The following DNAH9 variants were observed in gnomAD, a reference collection of about 807,000 sequenced individuals.
DNAH9 encodes DNAH9 variant protein.
In DNAH9, 345 loss-of-function variants were observed where a neutral mutation model predicts 471.6. That is an observed-to-expected ratio of 0.73 (90% confidence interval 0.67 to 0.80). DNAH9 has a LOEUF of 0.80. Ranked by LOEUF, DNAH9 falls within the 30% of genes least tolerant of loss-of-function variation. The probability of loss-of-function intolerance (pLI) is 0.00; values close to 1 mark genes in which losing one functional copy is unlikely to be tolerated. For synonymous variants in DNAH9, 2,093 were observed against 2,123.6 expected (o/e 0.99, Z 0.40); for missense variants, 5,407 against 5,609.2 (o/e 0.96, Z 1.15).
chr17:11,882,662 G>A (rs1165213624), intron 55 of DNAH9, among the ~76,000 whole-genome samples: 1 of 152,208 alleles, frequency 6.6e-6, no homozygotes, highest in East Asian at 1.9e-4. Context: ...GAGGAACACA[G>A]AAAACAGCAA....
At chr17:11,799,303 T>C (rs189129776) in intron 43 of DNAH9, among the ~76,000 whole-genome samples, 102 of 133,974 alleles carry the variant, frequency 7.6e-4, no homozygotes, top group Non-Finnish European at 1.4e-3. Flanking sequence ...TCCCCAGAAG[T>C]AGTTATCCGT....
rs1048445167 is a variant in DNAH9, at chr17:11,769,124, G to A, written c.7347G>A (p.Ala2449=). ...FEFDPEMPLQ[A]CLVHTSETIR... ...GGCTTATTGTGCTCCCATTCCAGGC[G>A]TGTTTGGTGCACACGAGTGAGACCA... The change falls in exon 38 of 69, where the codon GCG becomes GCA. Residue 2449 remains alanine (A), a splice_region_variant and synonymous_variant. Transcript: ENST00000262442. 6.2e-6 allele frequency: 10 copies of A among 1,614,054 alleles called. No individual in the cohort carries two copies. Among genetic ancestry groups the A allele is most frequent in the African/African-American group, 4.0e-5 (3 of 74,940 alleles).
chr17:11,818,309 G>A (rs1970175043), intron 45 of DNAH9, among the ~76,000 whole-genome samples: 1 of 152,024 alleles, frequency 6.6e-6, no homozygotes, highest in South Asian at 2.1e-4. Context: ...TGCACCTGTA[G>A]TCCCAGCTAC....
At chr17:11,879,379 C>T (rs1972627788) in intron 53 of DNAH9, among the ~76,000 whole-genome samples, 1 of 152,008 alleles carries the variant, frequency 6.6e-6, no homozygotes. Context: ...TTGGTTTTCT[C>T]CTTGCCAGCC....
intron 50 of DNAH9, among the ~76,000 whole-genome samples, chr17:11,859,078 C>G (rs1009225057): frequency 8.4e-6 from 1 of 119,510 alleles, no homozygotes; most frequent in African/African-American, 3.5e-5. Context: ...GAGGGAAACC[C>G]CGTCTCAAAA....
At chr17:11,813,494 G>T (rs1969993457) in intron 45 of DNAH9, among the ~76,000 whole-genome samples, 1 of 152,162 alleles carries the variant, frequency 6.6e-6, no homozygotes, top group Non-Finnish European at 1.5e-5. Context: ...GTGGGGTTAT[G>T]CAATGACTCC....
intron 67 of DNAH9, among the ~76,000 whole-genome samples, chr17:11,955,587 C>A (rs1486724627): frequency 1.3e-5 from 2 of 152,166 alleles, no homozygotes; most frequent in Non-Finnish European, 2.9e-5. Flanking sequence ...TGAGTTTCAG[C>A]ATATGATTGT....
chr17:11,828,251 A>C (rs1339876668), intron 48 of DNAH9, among the ~76,000 whole-genome samples: 1 of 151,968 alleles, frequency 6.6e-6, no homozygotes, highest in Non-Finnish European at 1.5e-5. Context: ...AGGCGGGTGG[A>C]TCACCTGAGG....
Position 11,797,587 on chromosome 17 carries a change from T to G in DNAH9, c.8224-10T>G. The G allele has an allele frequency of 6.9e-6, 11 of 1,605,046 alleles. No individual in the cohort carries two copies. The highest frequency in any genetic ancestry group is 9.4e-6 in the Non-Finnish European group (11 of 1,175,588). ...TAATGAGGGCCCTTATTCCTGTGTC[T>G]CATCACCAGGATATTGAAGACCCTG... On this transcript the variant is annotated splice_polypyrimidine_tract_variant and intron_variant, in intron 42 of 68. Transcript: ENST00000262442.
intron 57 of DNAH9, among the ~76,000 whole-genome samples, chr17:11,887,274 G>A (rs554405469): frequency 7.9e-5 from 12 of 152,280 alleles, no homozygotes; most frequent in South Asian, 2.1e-4. Context: ...AGGTGATACC[G>A]AAGAAGTCTG....
intron 33 of DNAH9, 97 bp downstream of exon 33, chr17:11,753,057 A>G: frequency 9.7e-7 from 1 of 1,028,936 alleles, no homozygotes; most frequent in Admixed American, 2.5e-5. Flanking sequence ...ATTCCACATG[A>G]TGGCTGGCTC....
At chr17:11,912,343 CTGT>C (rs1374422344) in intron 61 of DNAH9, among the ~76,000 whole-genome samples, 1 of 152,114 alleles carries the variant, frequency 6.6e-6, no homozygotes, top group Non-Finnish European at 1.5e-5. Flanking sequence ...TTCCAGTACA[CTGT>C]TAGGTAGAAA....
chr17:11,682,059 G>A (rs115995192), intron 19 of DNAH9, among the ~76,000 whole-genome samples: 3,018 of 152,240 alleles, frequency 0.02, 109 homozygotes, highest in African/African-American at 0.068. Context: ...GTTTGTCCAG[G>A]ATCGTTCTGG....
intron 62 of DNAH9, among the ~76,000 whole-genome samples, chr17:11,926,622 G>T (rs961749613): frequency 1.3e-5 from 2 of 152,160 alleles, no homozygotes; most frequent in African/African-American, 4.8e-5. Context: ...ATTCCATGGT[G>T]TATATGTACC....
chr17:11,845,098 G>C (rs1421234844), intron 49 of DNAH9, among the ~76,000 whole-genome samples: 1 of 150,940 alleles, frequency 6.6e-6, no homozygotes, highest in African/African-American at 2.5e-5. Flanking sequence ...CTGGTGTGCT[G>C]TACCCACTAA....
chr17:11,810,101 G>A (rs2150927253), intron 44 of DNAH9, 145 bp from the exon 45 acceptor site: 1 of 988,588 alleles, frequency 1.0e-6, no homozygotes, highest in Non-Finnish European at 1.5e-6. Context: ...GTGCAAGATA[G>A]CCCTCCCCCA....
intron 49 of DNAH9, among the ~76,000 whole-genome samples, chr17:11,843,122 G>T (rs1309877211): frequency 6.6e-6 from 1 of 152,152 alleles, no homozygotes; most frequent in African/African-American, 2.4e-5. Context: ...CATTAACGTA[G>T]AGAAAGTGCA....
intron 49 of DNAH9, among the ~76,000 whole-genome samples, chr17:11,835,688 G>GT (rs1192544750): frequency 2.0e-5 from 3 of 152,196 alleles, no homozygotes; most frequent in Non-Finnish European, 4.4e-5. Flanking sequence ...GCTCACATAT[G>GT]TTTTTTGGAG....
intron 52 of DNAH9, 141 bp downstream of exon 52, chr17:11,871,927 G>T: frequency 2.2e-6 from 2 of 895,320 alleles, no homozygotes; most frequent in Non-Finnish European, 3.4e-6. Flanking sequence ...TGAAACCTGC[G>T]TACCCGTGTC....
Sources: allele counts gnomAD v4.1 joint callset (sites outside exome capture counted in the v4.1 genomes callset), GRCh38; gene constraint gnomAD v4.1.1; transcripts MANE v1.5; gene names NCBI Gene and HGNC (gene_info 2026-07-23, HGNC 2026-07-21).